The following DLG3 variants were observed in gnomAD, a reference collection of about 807,000 sequenced individuals.
DLG3 encodes discs large MAGUK scaffold protein 3, also known as disks large homolog 3.
A neutral mutation model predicts 64.1 loss-of-function variants in DLG3; 1 was observed. The ratio of observed to expected loss-of-function variants is 0.02; its 90% CI spans 0.01 to 0.07. The LOEUF (loss-of-function observed/expected upper bound fraction) is 0.07, where lower values mean the gene tolerates loss of function less well. Among genes scored for constraint, DLG3 ranks in the 10% least tolerant of loss-of-function variants. The pLI is 1.00. For synonymous variants in DLG3, 245 were observed against 259.8 expected (o/e 0.94, Z 0.55); for missense variants, 429 against 669.5 (o/e 0.64, Z 3.96).
intron 10 of DLG3, among the ~76,000 whole-genome samples, chrX:70,485,569 G>A (rs2087239620): frequency 9.0e-6 from 1 of 111,640 alleles, no homozygotes; most frequent in South Asian, 3.8e-4. Flanking sequence ...GGTTATTTTA[G>A]CAGAAGCAAC....
chrX:70,504,798 G>C lies in DLG3; in HGVS notation c.*2529G>C, dbSNP rs2087625552. The C allele has an allele frequency of 8.9e-6, 1 of 112,384 alleles. No individual in the cohort carries two copies. Among genetic ancestry groups the C allele is most frequent in the African/African-American group, 3.2e-5 (1 of 30,838 alleles). 9.3% of individuals were successfully genotyped at this position (112,384 alleles called of 1,213,427 possible). A position where few individuals can be genotyped will look rare whatever the true frequency, so the allele number is the denominator to read the frequency against. ...CCAGTGTTTCCGAAAATGAGGGTGG[G>C]ATGGGCCCATTTGCAGAGCAGGACA... On this transcript the variant is annotated 3_prime_UTR_variant, in exon 19 of 19. Transcript: ENST00000374360.
At chrX:70,487,871 G>T (rs780716569) in intron 10 of DLG3, among the ~76,000 whole-genome samples, 157 of 109,539 alleles carry the variant, frequency 1.4e-3, no homozygotes, top group Middle Eastern at 9.3e-3. Context: ...GGCTGGTCTC[G>T]AACTCCCAAC....
At chrX:70,456,337 G>C (rs919284778) in intron 9 of DLG3, among the ~76,000 whole-genome samples, 1 of 112,471 alleles carries the variant, frequency 8.9e-6, no homozygotes, top group Non-Finnish European at 1.9e-5. Flanking sequence ...GGTTTTTCTT[G>C]CGTATTTGTG....
rs1167461829 is a variant in DLG3, at chrX:70,502,939, G to A, written c.*670G>A. 1 of 110,662 alleles carries A rather than the reference G, an allele frequency of 9.0e-6. No homozygotes were observed. The highest frequency in any genetic ancestry group is 3.9e-4 in the South Asian group (1 of 2,593). The allele number at this position is 110,662 out of a possible 1,213,427, so 9.1% of individuals were successfully genotyped here. A position where few individuals can be genotyped will look rare whatever the true frequency, so the allele number is the denominator to read the frequency against. ...TTTAATTTTCATATTCCAATCAGATGGCATCTTCTATCCCAGCTGGTTGGG... is the reference window on the plus strand; with the variant it reads ...TTTAATTTTCATATTCCAATCAGATAGCATCTTCTATCCCAGCTGGTTGGG... On this transcript the variant is annotated 3_prime_UTR_variant, in exon 19 of 19. Coordinates refer to ENST00000374360, the MANE Select transcript of DLG3 (RefSeq NM_021120.4).
chrX:70,452,304 G>T, intron 7 of DLG3: 1 of 1,037,438 alleles, frequency 9.6e-7, no homozygotes, highest in Non-Finnish European at 1.2e-6. Context: ...GGAGCGTTTA[G>T]GGGGCTGAGG....
At chrX:70,453,497 A>G in intron 7 of DLG3, 140 bp from the exon 8 acceptor site, 1 of 940,503 alleles carries the variant, frequency 1.1e-6, no homozygotes, top group South Asian at 2.6e-5. Context: ...TTCAGGAGAC[A>G]AAGGGAGGCT....
chrX:70,486,020 G>C (rs139001069), intron 10 of DLG3, among the ~76,000 whole-genome samples: 319 of 111,444 alleles, frequency 2.9e-3, no homozygotes, highest in African/African-American at 9.5e-3. Flanking sequence ...GAGAGCTAGA[G>C]TGCTGAAGAT....
rs1473465948 is a variant in DLG3 at position 70,453,772 on chromosome X, C to T, written c.1281C>T (p.Arg427=). The T allele has an allele frequency of 4.2e-6, 5 of 1,197,474 alleles. No homozygotes were observed. Among genetic ancestry groups the T allele is most frequent in the Non-Finnish European group, 5.6e-6 (5 of 888,764 alleles). ...GGPADLSGEL[R]RGDRILSVNG... ...CAGCTGACCTGAGTGGGGAGCTGCGCAGGGGAGACCGGATCTTATCGGTGA... is the reference window on the plus strand; with the variant it reads ...CAGCTGACCTGAGTGGGGAGCTGCGTAGGGGAGACCGGATCTTATCGGTGA... Residue 427 remains arginine (R), a synonymous_variant, in exon 8 of 19, where the codon CGC becomes CGT. Coordinates refer to ENST00000374360, the MANE Select transcript of DLG3 (RefSeq NM_021120.4).
intron 10 of DLG3, among the ~76,000 whole-genome samples, chrX:70,480,406 GC>G (rs2087132275): frequency 9.0e-6 from 1 of 111,601 alleles, no homozygotes; most frequent in South Asian, 3.8e-4. Flanking sequence ...AGCTAAAGGA[GC>G]CCATCTCTGA....
intron 10 of DLG3, among the ~76,000 whole-genome samples, chrX:70,479,890 C>G (rs1380382102): frequency 2.7e-5 from 3 of 111,075 alleles, no homozygotes; most frequent in Non-Finnish European, 5.7e-5. Context: ...AAAGCTATTC[C>G]AAGATATTTC....
rs2087595446 is a variant in DLG3 at position 70,503,074 on chromosome X, G to A, written c.*805G>A. 1.8e-5 allele frequency: 2 copies of A among 110,930 alleles called. No homozygotes were observed. The highest frequency in any genetic ancestry group is 1.9e-4 in the Admixed American group (2 of 10,280). The allele number at this position is 110,930 out of a possible 1,213,427, so 9.1% of individuals were successfully genotyped here. ...GGCCGGAGAGGAAGGGCTTTTGCCTGGGGTGAGAGGGTGAGAGACTTGACC... is the reference window on the plus strand; with the variant it reads ...GGCCGGAGAGGAAGGGCTTTTGCCTAGGGTGAGAGGGTGAGAGACTTGACC... On this transcript the variant is annotated 3_prime_UTR_variant, in exon 19 of 19. Coordinates refer to ENST00000374360, the MANE Select transcript of DLG3 (RefSeq NM_021120.4).
At chrX:70,497,772 T>A (rs2087481947) in intron 13 of DLG3, among the ~76,000 whole-genome samples, 1 of 112,137 alleles carries the variant, frequency 8.9e-6, no homozygotes, top group Non-Finnish European at 1.9e-5. Flanking sequence ...CCTTGTAAAA[T>A]CTGCCCAGGA....
chrX:70,449,103 C>T, intron 2 of DLG3, 140 bp downstream of exon 2: 4 of 751,887 alleles, frequency 5.3e-6, no homozygotes, highest in Non-Finnish European at 8.1e-6. Flanking sequence ...TCAGAGGCTG[C>T]TTCACTGCAT....
chrX:70,501,219 T>C (rs1199916003), intron 18 of DLG3, among the ~76,000 whole-genome samples: 2 of 111,487 alleles, frequency 1.8e-5, no homozygotes, highest in Non-Finnish European at 3.8e-5. Context: ...CCTTGAATTG[T>C]TGGTTTGTTC....
chrX:70,446,379 C>T (rs1051834844), intron 1 of DLG3, among the ~76,000 whole-genome samples: 8 of 89,623 alleles, frequency 8.9e-5, no homozygotes, highest in African/African-American at 1.7e-4. Flanking sequence ...CTGAGAAGGA[C>T]GGACTCTTTT....
At chrX:70,476,205 A>T (rs756667854) in intron 9 of DLG3, among the ~76,000 whole-genome samples, 10 of 112,184 alleles carry the variant, frequency 8.9e-5, no homozygotes, top group Middle Eastern at 9.2e-3. Context: ...CGATGACTGG[A>T]TATCTTTGTG....
At position 70,479,101 on chromosome X, in the gene DLG3, G is replaced by A. The variant is rs140931870; in HGVS notation, c.1406-49G>A. 151 of 1,112,505 alleles carry A rather than the reference G, an allele frequency of 1.4e-4. 2 individuals carry two copies. In the African/African-American group the frequency reaches 1.7e-3, roughly 13 times the overall value. 91.7% of individuals were successfully genotyped at this position (1,112,505 alleles called of 1,213,427 possible). On this transcript the variant is annotated intron_variant, in intron 9 of 18. Coordinates refer to ENST00000374360, the MANE Select transcript of DLG3 (RefSeq NM_021120.4). ...GCTGCTGGCATGCAAGCTCAGAGGC[G>A]CTCCTTGAGTTCATTCTTTTCCCAT... is the stretch of plus-strand genomic sequence containing the variant.
Position 70,449,714 on chromosome X carries a change from G to T in DLG3, c.558G>T (p.Val186=). The T allele has an allele frequency of 8.3e-7, 1 of 1,211,153 alleles. No homozygotes were observed. Among genetic ancestry groups the T allele is most frequent in the Non-Finnish European group, 1.1e-6 (1 of 895,429 alleles). ...GGGTGAATGACTGTGTGCTGCGGGT[G>T]AATGAGGTGGACGTGTCGGAGGTGG... The part of the protein sequence containing the change: ...RLGVNDCVLR[V]NEVDVSEVVH... The change falls in exon 4 of 19, where the codon GTG becomes GTT. Residue 186 remains valine, a synonymous_variant. Transcript: ENST00000374360.
Position 70,445,113 on chromosome X carries a change from CCGGCGGCGGCGG to C in DLG3, c.-82_-71del, listed in dbSNP as rs752431046. The C allele has an allele frequency of 6.3e-3, 4,752 of 750,072 alleles. 400 individuals are homozygous for C. The Admixed American group carries it at 0.16, about 25-fold the overall frequency. 61.8% of individuals were successfully genotyped at this position (750,072 alleles called of 1,213,427 possible). ...GAGCAGTGTGAGTGTGCCAGGGAGCCCGGCGGCGGCGGCGGCGGTGGTGGCGGCGGTGGCGGC... is the reference window on the plus strand; with the variant it reads ...GAGCAGTGTGAGTGTGCCAGGGAGCCCGGCGGTGGTGGCGGCGGTGGCGGC... On this transcript the variant is annotated 5_prime_UTR_variant, in exon 1 of 19. Coordinates refer to ENST00000374360, the MANE Select transcript of DLG3 (RefSeq NM_021120.4).
Sources: gnomAD v4.1 joint callset for allele counts (sites outside exome capture counted in the v4.1 genomes callset) on GRCh38, gnomAD v4.1.1 for gene constraint, MANE v1.5 for transcripts, NCBI Gene and HGNC (gene_info 2026-07-23, HGNC 2026-07-21) for gene names.